LRRIQ1: variants seen among roughly 807,000 people sequenced by gnomAD.
LRRIQ1 encodes the protein leucine-rich repeat- and IQ domain-containing protein 1.
LRRIQ1 carries 210 observed loss-of-function variants against 211.9 expected under a neutral mutation model. That is an observed-to-expected ratio of 0.99 (90% confidence interval 0.89 to 1.11). The LOEUF (loss-of-function observed/expected upper bound fraction) is 1.11. Among genes scored for constraint, LRRIQ1 ranks in the 50% most tolerant of loss-of-function variants. The pLI is 0.00. For synonymous variants in LRRIQ1, 699 were observed against 650.1 expected (o/e 1.08, Z -1.14); for missense variants, 2,136 against 1,939.5 (o/e 1.10, Z -1.90).
At chr12:85,238,782 A>T (rs1337331852) in intron 26 of LRRIQ1, among the ~76,000 whole-genome samples, 2 of 152,094 alleles carry the variant, frequency 1.3e-5, no homozygotes, top group African/African-American at 4.8e-5. Context: ...AATGTTTTGT[A>T]TCTAATATCA....
chr12:85,184,139 A>G (rs1892117346), intron 24 of LRRIQ1, among the ~76,000 whole-genome samples: 1 of 152,038 alleles, frequency 6.6e-6, no homozygotes, highest in African/African-American at 2.4e-5. Context: ...ATACCATAGA[A>G]TTAAAGAAGT....
At chr12:85,053,449 G>A (rs370223011) in intron 7 of LRRIQ1, among the ~76,000 whole-genome samples, 2 of 151,992 alleles carry the variant, frequency 1.3e-5, no homozygotes, top group Admixed American at 6.6e-5. Flanking sequence ...GATAAAAGAC[G>A]CATTACCTAA....
At chr12:85,258,364 TATTA>T (rs1446818178) in intron 1 of LRRIQ1, among the ~76,000 whole-genome samples, 1 of 151,912 alleles carries the variant, frequency 6.6e-6, no homozygotes, top group Non-Finnish European at 1.5e-5. Context: ...ACAAAAGTTT[TATTA>T]ATTTTTTATA....
rs932644359 is a variant in LRRIQ1, at chr12:85,115,231, A to G, written c.3378-6466A>G. On this transcript the variant is annotated intron_variant, in intron 15 of 26. Transcript: ENST00000393217. ...ACAGTATTCTGATACTTCATTTCCA[A>G]CATTCATCAACTTGTTATGACACTT... Among the ~76,000 whole-genome samples the G allele has an allele frequency of 2.0e-5, 3 of 152,258 alleles. No individual in the cohort carries two copies. In the South Asian group the frequency reaches 6.2e-4, roughly 32 times the overall value.
At chr12:85,102,959 A>ATATATAT (rs1555207753) in intron 13 of LRRIQ1, among the ~76,000 whole-genome samples, 52 of 108,458 alleles carry the variant, frequency 4.8e-4, no homozygotes, top group Non-Finnish European at 6.5e-4. Flanking sequence ...AAAAAAAAAA[A>ATATATAT]ATATATATAT....
intron 23 of LRRIQ1, among the ~76,000 whole-genome samples, chr12:85,156,877 C>T (rs1455074151): frequency 6.6e-6 from 1 of 151,690 alleles, no homozygotes; most frequent in Non-Finnish European, 1.5e-5. Context: ...TAAATTATGG[C>T]CTACAATCTA....
intron 11 of LRRIQ1, among the ~76,000 whole-genome samples, chr12:85,088,521 A>G (rs982901715): frequency 2.6e-5 from 4 of 152,176 alleles, no homozygotes; most frequent in Non-Finnish European, 4.4e-5. Context: ...CATTGAATCT[A>G]TAAATTACCT....
chr12:85,226,899 G>C (rs979917594), intron 24 of LRRIQ1, among the ~76,000 whole-genome samples: 1 of 151,912 alleles, frequency 6.6e-6, no homozygotes. Context: ...TGGTGTATAT[G>C]TGCCACATTT....
At chr12:85,246,908 T>G (rs1374279859), downstream of LRRIQ1, among the ~76,000 whole-genome samples, 1 of 151,458 alleles carries the variant, frequency 6.6e-6, no homozygotes, top group Non-Finnish European at 1.5e-5. Context: ...TGAGGTCAAT[T>G]TGCCTGGATT....
At chr12:85,101,959 A>G (rs1051246626) in intron 13 of LRRIQ1, among the ~76,000 whole-genome samples, 17 of 151,738 alleles carry the variant, frequency 1.1e-4, no homozygotes, top group Non-Finnish European at 2.4e-4. Flanking sequence ...CTCTGAAAAA[A>G]GAAAAAAAGT....
intron 26 of LRRIQ1, among the ~76,000 whole-genome samples, chr12:85,241,287 G>A (rs1009590600): frequency 3.3e-5 from 5 of 151,814 alleles, no homozygotes; most frequent in African/African-American, 1.2e-4. Context: ...TGTACATTAT[G>A]TCTTTTAAAT....
intron 24 of LRRIQ1, among the ~76,000 whole-genome samples, chr12:85,218,928 C>G (rs777883376): frequency 6.6e-6 from 1 of 152,064 alleles, no homozygotes; most frequent in Non-Finnish European, 1.5e-5. Context: ...TTTTGCTTCT[C>G]TTAAATTTTT....
chr12:85,156,156 A>G (rs949443315), intron 23 of LRRIQ1, among the ~76,000 whole-genome samples: 2 of 151,596 alleles, frequency 1.3e-5, no homozygotes, highest in Admixed American at 6.6e-5. Flanking sequence ...CATTCTTATT[A>G]CCGTGTAAGG....
chr12:85,235,282 T>G (rs1275851163), intron 26 of LRRIQ1, among the ~76,000 whole-genome samples: 1 of 152,086 alleles, frequency 6.6e-6, no homozygotes, highest in African/African-American at 2.4e-5. Flanking sequence ...CCCCTCAAAC[T>G]CTGGAATTTT....
At chr12:85,267,416 CATAAA>C (rs144459623), downstream of LRRIQ1, among the ~76,000 whole-genome samples, 429 of 151,208 alleles carry the variant, frequency 2.8e-3, 16 homozygotes, top group East Asian at 0.072. Context: ...AACAAAGATG[CATAAA>C]ATAAAGTAAT....
intron 11 of LRRIQ1, among the ~76,000 whole-genome samples, chr12:85,088,431 T>G (rs566525198): frequency 6.6e-6 from 1 of 152,316 alleles, no homozygotes; most frequent in South Asian, 2.1e-4. Context: ...CAATGTGGGC[T>G]CTTTTTTGGT....
intron 24 of LRRIQ1, among the ~76,000 whole-genome samples, chr12:85,204,158 C>A (rs1366188251): frequency 6.6e-6 from 1 of 152,132 alleles, no homozygotes; most frequent in Non-Finnish European, 1.5e-5. Flanking sequence ...TGGTGCAAGC[C>A]CCAAACCTTG....
chr12:85,077,528 G>T (rs370592309), intron 11 of LRRIQ1, among the ~76,000 whole-genome samples: 4 of 152,098 alleles, frequency 2.6e-5, no homozygotes, highest in East Asian at 3.9e-4. Flanking sequence ...AGAAATATTG[G>T]ATATTTTATC....
chr12:85,043,063 G>A (rs1592685586), intron 3 of LRRIQ1, among the ~76,000 whole-genome samples: 2 of 152,022 alleles, frequency 1.3e-5, no homozygotes, highest in South Asian at 2.1e-4. Flanking sequence ...ATTGATCGGG[G>A]TTCTCAGTTG....
Sources: gnomAD v4.1 joint callset for allele counts (sites outside exome capture counted in the v4.1 genomes callset) on GRCh38, gnomAD v4.1.1 for gene constraint, MANE v1.5 for transcripts, NCBI Gene and HGNC (gene_info 2026-07-23, HGNC 2026-07-21) for gene names.